The following SYNPR variants were observed in gnomAD, a reference collection of about 807,000 sequenced individuals.
SYNPR encodes the protein synaptoporin.
A neutral mutation model predicts 32.9 loss-of-function variants in SYNPR; 23 were observed. The observed-to-expected ratio is 0.70, with a 90% CI of 0.50 to 0.99. SYNPR has a LOEUF of 0.99. Ranked by LOEUF, SYNPR falls within the 50% of genes least tolerant of loss-of-function variation. The pLI is 0.00. For synonymous variants in SYNPR, 146 were observed against 135.9 expected (o/e 1.07, Z -0.52); for missense variants, 318 against 349.3 (o/e 0.91, Z 0.71).
chr3:63,283,593 T>C (rs1182805497), intron 2 of SYNPR, among the ~76,000 whole-genome samples: 1 of 151,676 alleles, frequency 6.6e-6, no homozygotes, highest in Non-Finnish European at 1.5e-5. Flanking sequence ...GAAAACTAAG[T>C]TGGCATAGTC....
At chr3:63,236,723 G>A (rs773046702) in intron 1 of SYNPR, among the ~76,000 whole-genome samples, 4 of 152,066 alleles carry the variant, frequency 2.6e-5, no homozygotes, top group Admixed American at 6.6e-5. Flanking sequence ...TATCCTGCAA[G>A]CTTGTTATAC....
Position 63,306,006 on chromosome 3 carries a change from A to G in SYNPR, c.84+27264A>G, listed in dbSNP as rs73123109. 2.9e-3 allele frequency among the ~76,000 whole-genome samples: 440 copies of G among 152,078 alleles called. 1 individual carries two copies. Among genetic ancestry groups the G allele is most frequent in the Non-Finnish European group, 4.4e-3 (296 of 67,954 alleles). On this transcript the variant is annotated intron_variant, in intron 2 of 5. Coordinates refer to ENST00000478300, the MANE Select transcript of SYNPR (RefSeq NM_001130003.2). ...CTGCATTTTCACCGACCAGTGTCTAACCCATCCTTCAAGGCCCAGTTTAGA... is the reference window on the plus strand; with the variant it reads ...CTGCATTTTCACCGACCAGTGTCTAGCCCATCCTTCAAGGCCCAGTTTAGA...
At chr3:63,452,040 T>G in intron 2 of SYNPR, 1 of 701,044 alleles carries the variant, frequency 1.4e-6, no homozygotes, top group Non-Finnish European at 2.6e-6. Flanking sequence ...ATATAATTTT[T>G]TTCTCTTTCT....
chr3:63,380,220 C>G (rs376472219), intron 2 of SYNPR, among the ~76,000 whole-genome samples: 1 of 152,184 alleles, frequency 6.6e-6, no homozygotes, highest in East Asian at 1.9e-4. Context: ...GGATGGCTGG[C>G]TCAAACGGTA....
intron 2 of SYNPR, among the ~76,000 whole-genome samples, chr3:63,473,124 T>A (rs939829014): frequency 6.6e-6 from 1 of 152,158 alleles, no homozygotes; most frequent in Non-Finnish European, 1.5e-5. Context: ...CATTTGTGTG[T>A]CTTTGACTTA....
chr3:63,536,790 A>G (rs185869985), intron 3 of SYNPR, among the ~76,000 whole-genome samples: 144 of 152,292 alleles, frequency 9.5e-4, no homozygotes, highest in Middle Eastern at 3.4e-3. Context: ...TTATTTAGCA[A>G]TATAAAAGGA....
At chr3:63,499,226 C>T (rs1193491190) in intron 3 of SYNPR, among the ~76,000 whole-genome samples, 2 of 151,630 alleles carry the variant, frequency 1.3e-5, no homozygotes, top group African/African-American at 2.4e-5. Context: ...CATATATGGG[C>T]GAGAAGGTTA....
At chr3:63,354,119 C>CTATA (rs2087545126) in intron 2 of SYNPR, among the ~76,000 whole-genome samples, 1 of 152,130 alleles carries the variant, frequency 6.6e-6, no homozygotes, top group South Asian at 2.1e-4. Context: ...TAATAACTGT[C>CTATA]TTATAGAGTA....
intron 4 of SYNPR, among the ~76,000 whole-genome samples, chr3:63,596,350 C>T (rs1255988136): frequency 6.9e-6 from 1 of 145,718 alleles, no homozygotes; most frequent in African/African-American, 2.5e-5. Context: ...TTTCTCTTCC[C>T]TATCCTCCTC....
chr3:63,609,098 A>G (rs1380336204), intron 4 of SYNPR, 27 bp from the exon 5 acceptor site: 2 of 1,563,232 alleles, frequency 1.3e-6, no homozygotes, highest in Non-Finnish European at 1.7e-6. Context: ...TTCTTTTACC[A>G]TTTTCTATTC....
chr3:63,336,293 A>C (rs1342759024), intron 2 of SYNPR, among the ~76,000 whole-genome samples: 8 of 151,968 alleles, frequency 5.3e-5, no homozygotes, highest in Non-Finnish European at 1.2e-4. Flanking sequence ...CAGGGAAGAG[A>C]TTATGCAATG....
Position 63,588,138 on chromosome 3 carries a change from G to T in SYNPR, c.409-20987G>T, listed in dbSNP as rs571584805. 1.2e-4 allele frequency among the ~76,000 whole-genome samples: 18 copies of T among 152,142 alleles called. No homozygotes were observed. The South Asian group carries it at 3.1e-3, about 26-fold the overall frequency. On this transcript the variant is annotated intron_variant, in intron 4 of 5. Coordinates refer to ENST00000478300, the MANE Select transcript of SYNPR (RefSeq NM_001130003.2). ...ATCTGTTTTTTAAAAAAATCAGTTT[G>T]TGTCTGTTTGTGTGATATCACATAT... is the stretch of plus-strand genomic sequence containing the variant.
chr3:63,305,999 G>A (rs1381626102), intron 2 of SYNPR, among the ~76,000 whole-genome samples: 1 of 151,998 alleles, frequency 6.6e-6, no homozygotes, highest in Admixed American at 6.6e-5. Flanking sequence ...TCACCGACCA[G>A]TGTCTAACCC....
At chr3:63,481,473 A>G (rs1430566809) in intron 3 of SYNPR, among the ~76,000 whole-genome samples, 10 of 118,364 alleles carry the variant, frequency 8.4e-5, no homozygotes, top group Non-Finnish European at 1.6e-4. Flanking sequence ...GTGTGTGTGT[A>G]TACATATAAA....
At chr3:63,551,647 T>C (rs1702501768) in intron 3 of SYNPR, among the ~76,000 whole-genome samples, 3 of 152,218 alleles carry the variant, frequency 2.0e-5, no homozygotes, top group South Asian at 2.1e-4. Context: ...TAGTATCTCA[T>C]TGTGCTTTCT....
intron 2 of SYNPR, among the ~76,000 whole-genome samples, chr3:63,369,299 G>A (rs918661847): frequency 6.6e-6 from 1 of 152,134 alleles, no homozygotes; most frequent in Non-Finnish European, 1.5e-5. Context: ...AGAACTCTGA[G>A]AAAATAAAGT....
At chr3:63,454,769 G>A (rs1700449655) in intron 2 of SYNPR, among the ~76,000 whole-genome samples, 2 of 152,074 alleles carry the variant, frequency 1.3e-5, no homozygotes, top group Admixed American at 6.6e-5. Context: ...GTGATGTGAT[G>A]TGATGTGATG....
intron 2 of SYNPR, among the ~76,000 whole-genome samples, chr3:63,256,128 G>A (rs2367771): frequency 0.84 from 127,431 of 152,212 alleles, 53,974 homozygotes; most frequent in African/African-American, 0.91. Context: ...GCCTCTGTAG[G>A]CTCCACCTCT....
At chr3:63,353,861 A>G (rs566780705) in intron 2 of SYNPR, among the ~76,000 whole-genome samples, 23 of 152,302 alleles carry the variant, frequency 1.5e-4, no homozygotes, top group African/African-American at 5.3e-4. Flanking sequence ...GCTGTCAGAT[A>G]CTTGTTTTTC....
Sources: allele counts gnomAD v4.1 joint callset (sites outside exome capture counted in the v4.1 genomes callset), GRCh38; gene constraint gnomAD v4.1.1; transcripts MANE v1.5; gene names NCBI Gene and HGNC (gene_info 2026-07-23, HGNC 2026-07-21).